Variants in OAF observed in about 807,000 individuals in gnomAD.
OAF encodes out at first homolog, also known as out at first protein homolog.
A neutral mutation model predicts 22.5 loss-of-function variants in OAF; 13 were observed. That is an observed-to-expected ratio of 0.58 (90% CI 0.38 to 0.92). OAF has a LOEUF of 0.92. Ranked by LOEUF, OAF falls within the 40% of genes least tolerant of loss-of-function variation. OAF has a pLI of 0.00. For synonymous variants in OAF, 175 were observed against 170.5 expected (o/e 1.03, Z -0.21); for missense variants, 347 against 381.8 (o/e 0.91, Z 0.76).
intron 1 of OAF, chr11:120,217,448 G>C (rs1299311191): frequency 7.9e-5 from 12 of 152,236 alleles, no homozygotes; most frequent in African/African-American, 2.9e-4. Context: ...GCATGGTGGT[G>C]TGTGCCTATA....
Position 120,229,367 on chromosome 11 carries a change from G to GTTTTT in OAF, c.*225_*226insTTTTT. The stretch of plus-strand genomic sequence containing the variant: ...TTCCCACCCTGTGCCTTCCTTGCGG[G>GTTTTT]CAGAGAGGGAGAGAAGGGCTCCCCA... On this transcript the variant is annotated 3_prime_UTR_variant, in exon 4 of 4. Coordinates refer to ENST00000328965, the MANE Select transcript of OAF (RefSeq NM_178507.4). 1.5e-5 allele frequency: 5 copies of GTTTTT among 331,626 alleles called. No individual in the cohort carries two copies. The highest frequency in any genetic ancestry group is 1.5e-5 in the Non-Finnish European group (3 of 194,186). The allele number at this position is 331,626 out of a possible 1,614,324, so 20.5% of individuals were successfully genotyped here.
chr11:120,222,828 C>T (rs1938298321), intron 1 of OAF, among the ~76,000 whole-genome samples: 1 of 152,206 alleles, frequency 6.6e-6, no homozygotes, highest in Admixed American at 6.5e-5. Context: ...AGGAGAATCG[C>T]TTGAACCCGG....
At chr11:120,218,697 A>ATC (rs1324906618) in intron 1 of OAF, among the ~76,000 whole-genome samples, 2 of 152,172 alleles carry the variant, frequency 1.3e-5, no homozygotes, top group African/African-American at 2.4e-5. Context: ...CCCTAGAGCG[A>ATC]TGACCTGCAG....
intron 1 of OAF, among the ~76,000 whole-genome samples, chr11:120,214,991 G>A (rs1357941503): frequency 6.6e-6 from 1 of 152,196 alleles, no homozygotes; most frequent in Non-Finnish European, 1.5e-5. Context: ...CCACTGCCTG[G>A]GCTGCACACC....
At chr11:120,222,826 C>T (rs1158676359) in intron 1 of OAF, among the ~76,000 whole-genome samples, 8 of 152,162 alleles carry the variant, frequency 5.3e-5, no homozygotes, top group African/African-American at 9.6e-5. Context: ...GCAGGAGAAT[C>T]GCTTGAACCC....
chr11:120,224,522 G>A (rs548797231), intron 1 of OAF, among the ~76,000 whole-genome samples: 26 of 152,278 alleles, frequency 1.7e-4, no homozygotes, highest in Admixed American at 6.5e-4. Context: ...GTCCCTTGCC[G>A]CATGTATTGG....
At chr11:120,226,499 C>T (rs1036948096) in intron 2 of OAF, among the ~76,000 whole-genome samples, 1 of 152,208 alleles carries the variant, frequency 6.6e-6, no homozygotes, top group Admixed American at 6.5e-5. Context: ...GGTCATATGC[C>T]CTGGCACAGC....
rs376270711 is a variant in OAF at position 120,225,791 on chromosome 11, G to A, written c.362G>A (p.Arg121Gln). 5.3e-5 allele frequency: 84 copies of A among 1,598,554 alleles called. No individual in the cohort carries two copies. The highest frequency in any genetic ancestry group is 1.7e-4 in the Middle Eastern group (1 of 6,014). ...IIPSEAMAKL[R>Q]QKNPRAVRQA... The stretch of plus-strand genomic sequence containing the variant: ...CCCAGTGAGGCCATGGCCAAGCTCC[G>A]GCAGGTAAGTGCCCCACCAGGCCTG... Residue 121 changes from arginine (R) to glutamine (Q), a missense_variant, in exon 2 of 4, where the codon CGG (arginine) becomes CAG (glutamine). Transcript: ENST00000328965.
intron 3 of OAF, 24 bp downstream of exon 3, chr11:120,227,020 C>T: frequency 1.3e-6 from 2 of 1,565,386 alleles, no homozygotes; most frequent in African/African-American, 1.3e-5. Context: ...TGGGCACTGC[C>T]CGCTGCTGGG....
At chr11:120,219,192 GAGGGAGGAGAC>G (rs917016496) in intron 1 of OAF, among the ~76,000 whole-genome samples, 3 of 152,062 alleles carry the variant, frequency 2.0e-5, no homozygotes, top group African/African-American at 7.2e-5. Context: ...CAGGGAGACT[GAGGGAGGAGAC>G]AGGCCCAGAT....
At chr11:120,223,694 CCAAG>C (rs1938311659) in intron 1 of OAF, among the ~76,000 whole-genome samples, 1 of 152,196 alleles carries the variant, frequency 6.6e-6, no homozygotes, top group African/African-American at 2.4e-5. Context: ...GGTGATGTCA[CCAAG>C]CAAAGAGACC....
At position 120,228,849 on chromosome 11, in the gene OAF, C is replaced by A; in HGVS notation, c.548-19C>A. ...CTCCCTCCCTCCCTCCCTCCCTGATCCTTGCCTCTCTCCCCCAGGTGTGGA... is the reference window on the plus strand; with the variant it reads ...CTCCCTCCCTCCCTCCCTCCCTGATACTTGCCTCTCTCCCCCAGGTGTGGA... On this transcript the variant is annotated intron_variant, in intron 3 of 3. Transcript: ENST00000328965. The A allele has an allele frequency of 8.5e-6, 4 of 473,206 alleles. No individual in the cohort carries two copies. The highest frequency in any genetic ancestry group is 1.6e-5 in the South Asian group (1 of 62,690). The allele number at this position is 473,206 out of a possible 1,614,324, so 29.3% of individuals were successfully genotyped here.
At chr11:120,215,848 AG>A (rs1480794947) in intron 1 of OAF, among the ~76,000 whole-genome samples, 2 of 151,992 alleles carry the variant, frequency 1.3e-5, no homozygotes, top group African/African-American at 4.8e-5. Context: ...CCGGATGGGG[AG>A]GGTGATACTG....
chr11:120,225,303 G>A (rs568120728), intron 1 of OAF, among the ~76,000 whole-genome samples: 3 of 152,108 alleles, frequency 2.0e-5, no homozygotes, highest in African/African-American at 7.2e-5. Flanking sequence ...CTCTGGAATC[G>A]GTACTGGAAA....
rs372222958 is a variant in OAF at position 120,212,380 on chromosome 11, GCTGGGGGAT to G, written c.231+871_231+879del. Among the ~76,000 whole-genome samples, 338 of 152,152 alleles carry G rather than the reference GCTGGGGGAT, an allele frequency of 2.2e-3. 2 individuals are homozygous for G. The highest frequency in any genetic ancestry group is 7.5e-3 in the African/African-American group (313 of 41,504). Reference sequence around the variant, plus strand: ...ATAAGAAGGGCCTTGCACCCAGGGGGCTGGGGGATTATCAGGAAATGGGCCTGGATGGTG... The same window carrying G: ...ATAAGAAGGGCCTTGCACCCAGGGGGTATCAGGAAATGGGCCTGGATGGTG... On this transcript the variant is annotated intron_variant, in intron 1 of 3. Transcript: ENST00000328965.
chr11:120,229,532 C>T lies in OAF; in HGVS notation c.*390C>T, dbSNP rs138328129. 4 of 208,230 alleles carry T rather than the reference C, an allele frequency of 1.9e-5. No homozygotes were observed. Among genetic ancestry groups the T allele is most frequent in the Middle Eastern group, 2.2e-3 (1 of 454 alleles). 12.9% of individuals were successfully genotyped at this position (208,230 alleles called of 1,614,324 possible). A position where few individuals can be genotyped will look rare whatever the true frequency, so the allele number is the denominator to read the frequency against. ...GTCTATACCTGGACACCCACCTCCCCAGACACAACTCCCTTCCCCATGCAC... is the reference window on the plus strand; with the variant it reads ...GTCTATACCTGGACACCCACCTCCCTAGACACAACTCCCTTCCCCATGCAC... On this transcript the variant is annotated 3_prime_UTR_variant, in exon 4 of 4. Coordinates refer to ENST00000328965, the MANE Select transcript of OAF (RefSeq NM_178507.4).
intron 1 of OAF, among the ~76,000 whole-genome samples, chr11:120,214,416 G>C (rs1938185603): frequency 6.6e-6 from 1 of 152,132 alleles, no homozygotes; most frequent in Admixed American, 6.5e-5. Flanking sequence ...TGCTAAACTT[G>C]GACTCAAAGA....
At chr11:120,217,686 T>G (rs1233711846) in intron 1 of OAF, among the ~76,000 whole-genome samples, 1 of 152,240 alleles carries the variant, frequency 6.6e-6, no homozygotes, top group African/African-American at 2.4e-5. Flanking sequence ...TTAACCTCTC[T>G]GAGCCCCAGG....
intron 1 of OAF, among the ~76,000 whole-genome samples, chr11:120,215,684 C>T (rs1461430833): frequency 6.6e-6 from 1 of 152,224 alleles, no homozygotes; most frequent in East Asian, 1.9e-4. Context: ...TCACCATCCC[C>T]TCTCCCTAAA....
Sources: gnomAD v4.1 joint callset for allele counts (sites outside exome capture counted in the v4.1 genomes callset) on GRCh38, gnomAD v4.1.1 for gene constraint, MANE v1.5 for transcripts, NCBI Gene and HGNC (gene_info 2026-07-23, HGNC 2026-07-21) for gene names.